The following CYTH3 variants were observed in gnomAD, a reference collection of about 807,000 sequenced individuals.
The protein encoded by CYTH3 is cytohesin-3.
Under a neutral mutation model 55.1 loss-of-function variants are expected in CYTH3, and 23 were observed. The ratio of observed to expected loss-of-function variants is 0.42; its 90% CI spans 0.30 to 0.59. The LOEUF (loss-of-function observed/expected upper bound fraction) is 0.59, where lower values mean the gene tolerates loss of function less well. Among genes scored for constraint, CYTH3 ranks in the 20% least tolerant of loss-of-function variants. The pLI is 0.20. For synonymous variants in CYTH3, 249 were observed against 194.9 expected (o/e 1.28, Z -2.31); for missense variants, 413 against 524.8 (o/e 0.79, Z 2.08).
chr7:6,242,741 C>A (rs1030411881), intron 1 of CYTH3, among the ~76,000 whole-genome samples: 34 of 152,104 alleles, frequency 2.2e-4, no homozygotes, highest in African/African-American at 7.5e-4. Flanking sequence ...GGGATGAGCT[C>A]AAGATTGGAG....
At chr7:6,230,591 G>C (rs959743110) in intron 1 of CYTH3, among the ~76,000 whole-genome samples, 2 of 152,074 alleles carry the variant, frequency 1.3e-5, no homozygotes, top group African/African-American at 2.4e-5. Flanking sequence ...AAATGTAAGA[G>C]ACCTAAGCGT....
chr7:6,202,764 A>G (rs1010926385), intron 1 of CYTH3, among the ~76,000 whole-genome samples: 2 of 152,210 alleles, frequency 1.3e-5, no homozygotes, highest in African/African-American at 4.8e-5. Flanking sequence ...CAGCCAGGCC[A>G]TTGCTGTTTT....
Position 6,171,035 on chromosome 7 carries a change from C to T in CYTH3, c.563-57G>A. The stretch of plus-strand genomic sequence containing the variant: ...AGAACCTCCAGTGGACAGTGGGACC[C>T]CGCGTGCTGGGGGCCCGCCTGCAAG... On this transcript the variant is annotated intron_variant, in intron 7 of 12. Coordinates refer to ENST00000350796, the MANE Select transcript of CYTH3 (RefSeq NM_004227.4). The surrounding 1 kb of genome is among the most constrained non-coding windows in gnomAD (Gnocchi z 6.7). 6.2e-7 allele frequency: 1 copy of T among 1,605,046 alleles called. No individual in the cohort carries two copies. Among genetic ancestry groups the T allele is most frequent in the Non-Finnish European group, 8.5e-7 (1 of 1,175,338 alleles).
At chr7:6,225,594 G>A (rs569650032) in intron 1 of CYTH3, among the ~76,000 whole-genome samples, 5 of 152,070 alleles carry the variant, frequency 3.3e-5, no homozygotes, top group Admixed American at 3.3e-4. Context: ...GACCTCAGGT[G>A]ATCCACCCAC....
intron 4 of CYTH3, among the ~76,000 whole-genome samples, chr7:6,178,158 A>G (rs1451423997): frequency 3.3e-5 from 5 of 152,262 alleles, no homozygotes; most frequent in African/African-American, 1.2e-4. Flanking sequence ...CAGTTTAACA[A>G]GTTAAAAGAC....
rs541067193 is a variant in CYTH3, at chr7:6,162,933, G to A, written c.*2011C>T. The stretch of plus-strand genomic sequence containing the variant: ...GCCAGCCTGAGGGGTGGGCACCGCC[G>A]GAGCCGGCCGTCAGTGTGTGGTCTG... On this transcript the variant is annotated 3_prime_UTR_variant, in exon 13 of 13. Transcript: ENST00000350796. 5 of 152,810 alleles carry A rather than the reference G, an allele frequency of 3.3e-5. No homozygotes were observed. The highest frequency in any genetic ancestry group is 2.1e-4 in the South Asian group (1 of 4,826). 9.5% of individuals were successfully genotyped at this position (152,810 alleles called of 1,614,324 possible). A position where few individuals can be genotyped will look rare whatever the true frequency, so the allele number is the denominator to read the frequency against.
At chr7:6,211,066 T>G (rs1384928413) in intron 1 of CYTH3, among the ~76,000 whole-genome samples, 5 of 152,138 alleles carry the variant, frequency 3.3e-5, no homozygotes, top group African/African-American at 1.2e-4. Flanking sequence ...ACATATGACT[T>G]CCCGCTGGGT....
chr7:6,177,400 C>T (rs1783379344), intron 5 of CYTH3, among the ~76,000 whole-genome samples: 1 of 152,214 alleles, frequency 6.6e-6, no homozygotes, highest in Non-Finnish European at 1.5e-5. Context: ...TAAATCTGAC[C>T]TGCTGCTTTC....
intron 1 of CYTH3, among the ~76,000 whole-genome samples, chr7:6,249,263 G>A (rs1479442774): frequency 6.6e-6 from 1 of 152,158 alleles, no homozygotes; most frequent in Non-Finnish European, 1.5e-5. Flanking sequence ...CTTTACTGGA[G>A]AAGCCGCATA....
chr7:6,232,382 C>T (rs1198620814), intron 1 of CYTH3, among the ~76,000 whole-genome samples: 1 of 152,158 alleles, frequency 6.6e-6, no homozygotes, highest in African/African-American at 2.4e-5. Context: ...ACTTCCTATT[C>T]TCCATTTATT....
chr7:6,265,177 G>A (rs900109153), intron 1 of CYTH3, among the ~76,000 whole-genome samples: 46 of 151,946 alleles, frequency 3.0e-4, no homozygotes, highest in African/African-American at 1.1e-3. Context: ...GATAGCAGGG[G>A]ACTAGAGTAG....
chr7:6,170,236 C>G lies in CYTH3; in HGVS notation c.823+299G>C. 1 of 403,518 alleles carries G rather than the reference C, an allele frequency of 2.5e-6. No homozygotes were observed. The highest frequency in any genetic ancestry group is 4.4e-5 in the East Asian group (1 of 22,788). 25.0% of individuals were successfully genotyped at this position (403,518 alleles called of 1,614,324 possible). A position where few individuals can be genotyped will look rare whatever the true frequency, so the allele number is the denominator to read the frequency against. ...ACACAGGCTCTGTGGAGATAATGCGCTTGCTTCTCGTGCAGGAAGCTGCCC... is the reference window on the plus strand; with the variant it reads ...ACACAGGCTCTGTGGAGATAATGCGGTTGCTTCTCGTGCAGGAAGCTGCCC... On this transcript the variant is annotated intron_variant, in intron 9 of 12. Transcript: ENST00000350796. This position sits in a 1 kb window ranked among gnomAD's most constrained non-coding sequence, Gnocchi z 7.8.
rs1039996096 is a variant in CYTH3 at position 6,163,096 on chromosome 7, C to G, written c.*1848G>C. 1 of 152,670 alleles carries G rather than the reference C, an allele frequency of 6.6e-6. No homozygotes were observed. Among genetic ancestry groups the G allele is most frequent in the Non-Finnish European group, 1.5e-5 (1 of 68,056 alleles). The allele number at this position is 152,670 out of a possible 1,614,324, so 9.5% of individuals were successfully genotyped here. On this transcript the variant is annotated 3_prime_UTR_variant, in exon 13 of 13. Transcript: ENST00000350796. Reference sequence around the variant, plus strand: ...CGATTTGAGGTATCAGTAACAAAGCCTAAGAACGTGGGAATGAAAGTCTGA... The same window carrying G: ...CGATTTGAGGTATCAGTAACAAAGCGTAAGAACGTGGGAATGAAAGTCTGA...
rs1289573589 is a variant in CYTH3, at chr7:6,184,052, T to C, written c.249+2998A>G. On this transcript the variant is annotated intron_variant, in intron 4 of 12. Transcript: ENST00000350796. ...TGTTTACGCACCCCCTCTGTGGCTTTTTTTTTTTTTTTTTTTTTTTTTTTT... is the reference window on the plus strand; with the variant it reads ...TGTTTACGCACCCCCTCTGTGGCTTCTTTTTTTTTTTTTTTTTTTTTTTTT... Among the ~76,000 whole-genome samples the C allele has an allele frequency of 2.4e-4, 19 of 80,022 alleles. 1 individual carries two copies. Among genetic ancestry groups the C allele is most frequent in the Admixed American group, 2.0e-3 (18 of 8,936 alleles). The allele number at this position is 80,022 out of a possible 152,430, so 52.5% of individuals were successfully genotyped here. A position where few individuals can be genotyped will look rare whatever the true frequency, so the allele number is the denominator to read the frequency against.
intron 1 of CYTH3, among the ~76,000 whole-genome samples, chr7:6,192,407 G>C (rs1395691983): frequency 6.6e-6 from 1 of 150,938 alleles, no homozygotes; most frequent in East Asian, 1.9e-4. Flanking sequence ...TAAATTTAAA[G>C]ACAGGGTCTT....
intron 4 of CYTH3, among the ~76,000 whole-genome samples, chr7:6,184,049 C>CTTTTTTTTTTTTTTTTT (rs60634853): frequency 4.3e-5 from 2 of 46,376 alleles, no homozygotes; most frequent in African/African-American, 9.1e-5. Flanking sequence ...CCCTCTGTGG[C>CTTTTTTTTTTTTTTTTT]TTTTTTTTTT....
chr7:6,198,947 G>C (rs933216609), intron 1 of CYTH3, among the ~76,000 whole-genome samples: 4 of 152,118 alleles, frequency 2.6e-5, no homozygotes, highest in African/African-American at 9.7e-5. Flanking sequence ...TGGACACACT[G>C]GTTTATTTCT....
intron 1 of CYTH3, among the ~76,000 whole-genome samples, chr7:6,244,115 T>C (rs150053359): frequency 6.6e-6 from 1 of 152,334 alleles, no homozygotes; most frequent in African/African-American, 2.4e-5. Flanking sequence ...ACATACAGAA[T>C]TGCATCTTAT....
chr7:6,196,619 C>T (rs1783939426), intron 1 of CYTH3, among the ~76,000 whole-genome samples: 1 of 152,018 alleles, frequency 6.6e-6, no homozygotes. Flanking sequence ...ACCACCATGC[C>T]CAGCTAATTT....
Sources: gnomAD v4.1 joint callset for allele counts (sites outside exome capture counted in the v4.1 genomes callset) on GRCh38, gnomAD v4.1.1 for gene constraint, Gnocchi (gnomAD v3.1) non-coding constraint, MANE v1.5 for transcripts, NCBI Gene and HGNC (gene_info 2026-07-23, HGNC 2026-07-21) for gene names.